The following HFM1 variants were observed in gnomAD, a reference collection of about 807,000 sequenced individuals.
HFM1 encodes the protein probable ATP-dependent DNA helicase HFM1.
HFM1 carries 169 observed loss-of-function variants against 192.1 expected under a neutral mutation model. That is an observed-to-expected ratio of 0.88 (90% CI 0.78 to 1.00). The LOEUF is 1.00. Ranked by LOEUF, HFM1 falls within the 50% of genes least tolerant of loss-of-function variation. The pLI is 0.00. For missense variants in HFM1, 1,661 were observed against 1,668.0 expected (o/e 1.00, Z 0.07); for synonymous variants, 525 against 537.8 (o/e 0.98, Z 0.33).
At chr1:91,300,291 A>T (rs1098478) in intron 30 of HFM1, among the ~76,000 whole-genome samples, 106,390 of 152,000 alleles carry the variant, frequency 0.7, 37,511 homozygotes, top group East Asian at 0.83. Flanking sequence ...GGCAATAATT[A>T]ATAGCTTACC....
intron 17 of HFM1, 39 bp downstream of exon 17, chr1:91,351,510 T>C: frequency 3.0e-6 from 3 of 1,011,578 alleles, no homozygotes; most frequent in Non-Finnish European, 4.5e-6. Flanking sequence ...ATAAGCTATA[T>C]TAGCATTAGT....
chr1:91,341,568 A>G (rs1655343749), intron 20 of HFM1, among the ~76,000 whole-genome samples: 1 of 152,222 alleles, frequency 6.6e-6, no homozygotes, highest in African/African-American at 2.4e-5. Context: ...CTGGCAGAGG[A>G]ATAGAAATAA....
chr1:91,364,155 C>T (rs1041892046), intron 13 of HFM1, among the ~76,000 whole-genome samples: 1 of 151,706 alleles, frequency 6.6e-6, no homozygotes, highest in Non-Finnish European at 1.5e-5. Flanking sequence ...CAAACCCATA[C>T]ATCCTGCACA....
chr1:91,380,948 T>G lies in HFM1; in HGVS notation c.837A>C (p.Pro279=). ...AKFRSIFKEF[P]YFNYIQSKAF... ...CCTTGGACTGTATATAGTTGAAATA[T>G]GGAAATTCTTTGAAAATACTTCTAA... The change falls in exon 7 of 39, where the codon CCA becomes CCC. Residue 279 remains proline (P), a synonymous_variant. Transcript: ENST00000370425. 2 of 1,458,550 alleles carry G rather than the reference T, an allele frequency of 1.4e-6. No individual in the cohort carries two copies. The highest frequency in any genetic ancestry group is 1.9e-6 in the Non-Finnish European group (2 of 1,040,934). The allele number at this position is 1,458,550 out of a possible 1,614,324, so 90.4% of individuals were successfully genotyped here.
chr1:91,391,819 TG>T (rs1464404810), intron 4 of HFM1, among the ~76,000 whole-genome samples: 3 of 151,628 alleles, frequency 2.0e-5, no homozygotes, highest in Non-Finnish European at 4.4e-5. Context: ...AGGCAACCAA[TG>T]GGAGAAAACT....
Position 91,274,763 on chromosome 1 carries a change from A to C in HFM1, c.3635T>G (p.Phe1212Cys), listed in dbSNP as rs1225640899. The change falls in exon 33 of 39, where the codon TTT becomes TGT. Residue 1212 changes from phenylalanine to cysteine, a missense_variant. Transcript: ENST00000370425. ...ACTAGGAAGGGAAGGTTTTGGAGTAAAACCAAACTCTTTAAGGTCCACACT... is the reference window on the plus strand; with the variant it reads ...ACTAGGAAGGGAAGGTTTTGGAGTACAACCAAACTCTTTAAGGTCCACACT... ...SQSVDLKEFG[F>C]TPKPSLPSIS... 6.4e-7 allele frequency: 1 copy of C among 1,570,148 alleles called. No homozygotes were observed. Among genetic ancestry groups the C allele is most frequent in the East Asian group, 2.2e-5 (1 of 44,564 alleles).
chr1:91,305,680 A>T (rs886888707), intron 30 of HFM1, among the ~76,000 whole-genome samples: 24 of 151,636 alleles, frequency 1.6e-4, no homozygotes, highest in African/African-American at 5.3e-4. Context: ...TGATCTTCCC[A>T]TTTCAGCCTC....
rs377394321 is a variant in HFM1, at chr1:91,297,535, G to A, written c.3391+15814C>T. Among the ~76,000 whole-genome samples the A allele has an allele frequency of 2.2e-4, 34 of 152,256 alleles. 1 individual carries two copies. The highest frequency in any genetic ancestry group is 7.7e-4 in the East Asian group (4 of 5,166). On this transcript the variant is annotated intron_variant, in intron 30 of 38. Coordinates refer to ENST00000370425, the MANE Select transcript of HFM1 (RefSeq NM_001017975.6). ...CCCCCAAGTAGGCTAACTGGGAGGC[G>A]TCCCCCAGTAGGGGCAGACTGACAA...
At chr1:91,370,096 T>C (rs184621863) in intron 13 of HFM1, among the ~76,000 whole-genome samples, 1 of 152,186 alleles carries the variant, frequency 6.6e-6, no homozygotes, top group Admixed American at 6.5e-5. Flanking sequence ...AGGCAATAAT[T>C]AATAGCTTAC....
At chr1:91,367,130 G>A (rs1325131968) in intron 13 of HFM1, among the ~76,000 whole-genome samples, 3 of 152,186 alleles carry the variant, frequency 2.0e-5, no homozygotes, top group Non-Finnish European at 1.5e-5. Flanking sequence ...TGGGTGGAGC[G>A]CACCGCAGCT....
At chr1:91,288,909 T>C (rs1487733026) in intron 30 of HFM1, among the ~76,000 whole-genome samples, 2 of 151,728 alleles carry the variant, frequency 1.3e-5, no homozygotes, top group Non-Finnish European at 2.9e-5. Flanking sequence ...CCAGACGGGG[T>C]GGCGGCCGGG....
intron 18 of HFM1, among the ~76,000 whole-genome samples, chr1:91,350,170 G>A (rs567082577): frequency 6.6e-6 from 1 of 152,204 alleles, no homozygotes; most frequent in East Asian, 1.9e-4. Context: ...AGATCTGAAA[G>A]TTTTGAACCT....
intron 36 of HFM1, among the ~76,000 whole-genome samples, chr1:91,263,589 A>AT (rs1295297243): frequency 6.6e-6 from 1 of 151,536 alleles, no homozygotes; most frequent in Admixed American, 6.6e-5. Flanking sequence ...GAAAAAAAAA[A>AT]TTTTTTTTAA....
chr1:91,389,978 C>G (rs763240180), intron 4 of HFM1, among the ~76,000 whole-genome samples: 9 of 152,082 alleles, frequency 5.9e-5, no homozygotes, highest in Non-Finnish European at 8.8e-5. Context: ...GGGTTTATAT[C>G]CAAAGAATTG....
rs1440066096 is a variant in HFM1, at chr1:91,305,550, T to C, written c.3391+7799A>G. Among the ~76,000 whole-genome samples the C allele has an allele frequency of 3.3e-5, 5 of 152,210 alleles. No homozygotes were observed. The South Asian group carries it at 6.2e-4, about 19-fold the overall frequency. The stretch of plus-strand genomic sequence containing the variant: ...AAATAATCATGTTGCTTAGAAATAA[T>C]GACAATTTATTTATTTCTTTTTTTT... On this transcript the variant is annotated intron_variant, in intron 30 of 38. Coordinates refer to ENST00000370425, the MANE Select transcript of HFM1 (RefSeq NM_001017975.6).
chr1:91,294,111 A>C (rs1423293690), intron 30 of HFM1, among the ~76,000 whole-genome samples: 3 of 151,556 alleles, frequency 2.0e-5, no homozygotes, highest in Non-Finnish European at 4.4e-5. Context: ...ATGACGAGTT[A>C]GTGGGTGCAG....
chr1:91,339,039 A>G (rs1325239682), intron 20 of HFM1: 3 of 455,404 alleles, frequency 6.6e-6, no homozygotes, highest in Non-Finnish European at 1.3e-5. Flanking sequence ...ATCCAGAAAC[A>G]AAGCCAGTCA....
intron 18 of HFM1, among the ~76,000 whole-genome samples, chr1:91,350,003 G>T (rs2101714517): frequency 6.6e-6 from 1 of 152,260 alleles, no homozygotes; most frequent in Non-Finnish European, 1.5e-5. Context: ...CTGTGTGGGT[G>T]GGGATATACA....
intron 2 of HFM1, among the ~76,000 whole-genome samples, chr1:91,397,195 C>G (rs1004799683): frequency 6.6e-6 from 1 of 152,180 alleles, no homozygotes; most frequent in Non-Finnish European, 1.5e-5. Context: ...CCGAAATATT[C>G]TTAGTCCAAA....
Sources: allele counts gnomAD v4.1 joint callset (sites outside exome capture counted in the v4.1 genomes callset), GRCh38; gene constraint gnomAD v4.1.1; transcripts MANE v1.5; gene names NCBI Gene and HGNC (gene_info 2026-07-23, HGNC 2026-07-21).